VPS41: variants seen among roughly 807,000 people sequenced by gnomAD.
VPS41 encodes vacuolar protein sorting-associated protein 41 homolog.
A neutral mutation model predicts 130.9 loss-of-function variants in VPS41; 85 were observed. The observed-to-expected ratio is 0.65, with a 90% CI of 0.55 to 0.78. The LOEUF is 0.78. Among genes scored for constraint, VPS41 ranks in the 30% least tolerant of loss-of-function variants. VPS41 has a pLI of 0.00. For synonymous variants in VPS41, 335 were observed against 332.9 expected (o/e 1.01, Z -0.07); for missense variants, 874 against 1,018.7 (o/e 0.86, Z 1.93).
intron 13 of VPS41, among the ~76,000 whole-genome samples, chr7:38,771,878 A>G (rs1784159753): frequency 6.6e-6 from 1 of 152,176 alleles, no homozygotes; most frequent in Admixed American, 6.6e-5. Flanking sequence ...TGGACTTTAA[A>G]TAGTTTATAA....
At chr7:38,815,556 T>C (rs886717377) in intron 7 of VPS41, among the ~76,000 whole-genome samples, 4 of 152,226 alleles carry the variant, frequency 2.6e-5, no homozygotes, top group South Asian at 4.1e-4. Context: ...CTTGATTGGA[T>C]TGAAGGATGC....
chr7:38,780,659 G>A lies in VPS41; in HGVS notation c.785-3883C>T, dbSNP rs80019238. 8.1e-3 allele frequency among the ~76,000 whole-genome samples: 1,231 copies of A among 152,204 alleles called. 16 individuals carry two copies. Among genetic ancestry groups the A allele is most frequent in the African/African-American group, 0.028 (1,177 of 41,530 alleles). On this transcript the variant is annotated intron_variant, in intron 10 of 28. Transcript: ENST00000310301. ...TAGCTGCCCCATGGAAATATAATGT[G>A]GGCCAAAACACAAATGACATATGTA... is the stretch of plus-strand genomic sequence containing the variant.
intron 2 of VPS41, among the ~76,000 whole-genome samples, chr7:38,893,584 A>G (rs1439301306): frequency 6.6e-6 from 1 of 152,244 alleles, no homozygotes; most frequent in Non-Finnish European, 1.5e-5. Flanking sequence ...GGTGAAATAA[A>G]CAGTACACTG....
intron 4 of VPS41, among the ~76,000 whole-genome samples, chr7:38,835,194 G>A (rs1785469287): frequency 6.6e-6 from 1 of 151,500 alleles, no homozygotes; most frequent in Non-Finnish European, 1.5e-5. Flanking sequence ...AGCTGTACTA[G>A]CCTCTTTGCA....
intron 7 of VPS41, among the ~76,000 whole-genome samples, chr7:38,798,098 T>A (rs768615927): frequency 1.3e-5 from 2 of 152,116 alleles, no homozygotes; most frequent in Non-Finnish European, 2.9e-5. Flanking sequence ...AAGTCACTAC[T>A]ACCATGCCTT....
intron 2 of VPS41, among the ~76,000 whole-genome samples, chr7:38,890,626 G>A (rs906783732): frequency 3.3e-5 from 5 of 152,050 alleles, no homozygotes; most frequent in African/African-American, 9.7e-5. Flanking sequence ...CTAGAGTTAC[G>A]TAAGATGTTA....
intron 2 of VPS41, among the ~76,000 whole-genome samples, chr7:38,877,481 C>T (rs758942562): frequency 6.6e-6 from 1 of 152,108 alleles, no homozygotes; most frequent in Non-Finnish European, 1.5e-5. Context: ...AGAGGTCCTG[C>T]AAACTCAGTT....
intron 4 of VPS41, among the ~76,000 whole-genome samples, chr7:38,854,719 C>A (rs1785940653): frequency 6.6e-6 from 1 of 152,024 alleles, no homozygotes; most frequent in African/African-American, 2.4e-5. Context: ...ATCAGTTCAC[C>A]AGCTTTTATG....
rs539556538 is a variant in VPS41 at position 38,836,922 on chromosome 7, T to G, written c.247-6594A>C. Reference sequence around the variant, plus strand: ...GTATCAAAATTACTTAAAATATACATTATCTATTATGACCAAAGAGAAGCA... The same window carrying G: ...GTATCAAAATTACTTAAAATATACAGTATCTATTATGACCAAAGAGAAGCA... On this transcript the variant is annotated intron_variant, in intron 4 of 28. Transcript: ENST00000310301. Among the ~76,000 whole-genome samples, 435 of 152,288 alleles carry G rather than the reference T, an allele frequency of 2.9e-3. 11 individuals carry two copies. The highest frequency in any genetic ancestry group is 1.5e-3 in the East Asian group (8 of 5,188).
chr7:38,821,378 G>T, intron 5 of VPS41, 113 bp from the exon 6 acceptor site: 1 of 747,180 alleles, frequency 1.3e-6, no homozygotes, highest in Non-Finnish European at 2.2e-6. Context: ...TAATTTTAAG[G>T]CCCCGTGACC....
intron 7 of VPS41, among the ~76,000 whole-genome samples, chr7:38,810,015 A>C (rs758087): frequency 0.99 from 151,253 of 152,186 alleles, 75,168 homozygotes; most frequent in African/African-American, 1. Flanking sequence ...TCTTGCTACA[A>C]AAGAAGGTTA....
At chr7:38,898,267 C>G in intron 1 of VPS41, 138 bp from the exon 2 acceptor site, 1 of 645,962 alleles carries the variant, frequency 1.5e-6, no homozygotes, top group Non-Finnish European at 2.7e-6. Flanking sequence ...CTTTAGAGGA[C>G]CACATGCTCT....
At chr7:38,894,224 G>A (rs1049466401) in intron 2 of VPS41, among the ~76,000 whole-genome samples, 9 of 152,142 alleles carry the variant, frequency 5.9e-5, no homozygotes, top group African/African-American at 1.2e-4. Context: ...ACTGAGTGGT[G>A]TCTCAAAATA....
intron 25 of VPS41, 44 bp downstream of exon 25, chr7:38,741,941 G>C: frequency 6.2e-7 from 1 of 1,607,564 alleles, no homozygotes; most frequent in South Asian, 1.1e-5. Flanking sequence ...CCAGTACTAA[G>C]TCAACTAATT....
chr7:38,730,283 T>C (rs1795636911), intron 25 of VPS41, among the ~76,000 whole-genome samples: 2 of 152,204 alleles, frequency 1.3e-5, no homozygotes, highest in South Asian at 4.1e-4. Context: ...GGAAGAAAAG[T>C]AAGGGAGCAG....
intron 25 of VPS41, among the ~76,000 whole-genome samples, chr7:38,741,538 C>T (rs747779820): frequency 4.6e-5 from 7 of 152,184 alleles, no homozygotes; most frequent in Non-Finnish European, 7.3e-5. Flanking sequence ...AGGCAACAGA[C>T]TACTGAATGG....
chr7:38,898,004 G>T, intron 2 of VPS41, 87 bp downstream of exon 2: 1 of 1,269,666 alleles, frequency 7.9e-7, no homozygotes, highest in Non-Finnish European at 1.1e-6. Flanking sequence ...CTCAGCCCCT[G>T]GGAATGTTGC....
At chr7:38,824,135 G>A (rs1036474084) in intron 5 of VPS41, among the ~76,000 whole-genome samples, 4 of 152,168 alleles carry the variant, frequency 2.6e-5, no homozygotes, top group Non-Finnish European at 5.9e-5. Flanking sequence ...CAACTAGCAA[G>A]CTGAACTTCT....
rs548223839 is a variant in VPS41 at position 38,786,497 on chromosome 7, G to A, written c.784+3304C>T. On this transcript the variant is annotated intron_variant, in intron 10 of 28. Coordinates refer to ENST00000310301, the MANE Select transcript of VPS41 (RefSeq NM_014396.4). Reference sequence around the variant, plus strand: ...AACCTGAGTCTACACTACTGAGCGGGGAAAGAGTTGTTACATCCCTCCCAA... The same window carrying A: ...AACCTGAGTCTACACTACTGAGCGGAGAAAGAGTTGTTACATCCCTCCCAA... Among the ~76,000 whole-genome samples, 4 of 152,210 alleles carry A rather than the reference G, an allele frequency of 2.6e-5. No individual in the cohort carries two copies. In the South Asian group the frequency reaches 8.3e-4, roughly 32 times the overall value.
Sources: gnomAD v4.1 joint callset for allele counts (sites outside exome capture counted in the v4.1 genomes callset) on GRCh38, gnomAD v4.1.1 for gene constraint, MANE v1.5 for transcripts, NCBI Gene and HGNC (gene_info 2026-07-23, HGNC 2026-07-21) for gene names.